The following HERC1 variants were observed in gnomAD, a reference collection of about 807,000 sequenced individuals.
The protein encoded by HERC1 is probable E3 ubiquitin-protein ligase HERC1.
In HERC1, 160 loss-of-function variants were observed where a neutral mutation model predicts 554.3. That is an observed-to-expected ratio of 0.29 (90% CI 0.25 to 0.33). HERC1 has a LOEUF of 0.33. HERC1 is among the 10% of genes least tolerant of loss of function. HERC1 has a pLI of 1.00. For missense variants in HERC1, 4,919 were observed against 5,918.5 expected, an observed-to-expected ratio of 0.83 and a Z score of 5.54; for synonymous variants, 2,175 against 2,131.7, an observed-to-expected ratio of 1.02 and a Z score of -0.56.
At chr15:63,665,464 G>A (rs145163667) in intron 42 of HERC1, among the ~76,000 whole-genome samples, 20 of 152,260 alleles carry the variant, frequency 1.3e-4, no homozygotes, top group Non-Finnish European at 2.2e-4. Context: ...CCGGGGAGGC[G>A]GAGGTTGCTG....
chr15:63,664,952 T>G (rs2070543879), intron 42 of HERC1, among the ~76,000 whole-genome samples: 1 of 152,192 alleles, frequency 6.6e-6, no homozygotes, highest in Non-Finnish European at 1.5e-5. Flanking sequence ...TTGAAATACG[T>G]TATGAAAATA....
intron 1 of HERC1, among the ~76,000 whole-genome samples, chr15:63,830,592 C>G (rs945915936): frequency 3.3e-5 from 5 of 152,110 alleles, no homozygotes; most frequent in African/African-American, 1.2e-4. Flanking sequence ...TAGAGTTACA[C>G]CAATGCTAAC....
In HERC1 at chr15:63,651,337, T is replaced by G; in HGVS notation, c.10462A>C (p.Ser3488Arg). Residue 3488 changes from serine (S) to arginine (R), a missense_variant, in exon 53 of 78, where the codon AGT becomes CGT. Ser to Arg is a moderately radical substitution (Grantham distance 110, BLOSUM62 -1). This residue lies in a region of HERC1 where 1,963 missense variants were observed against 2,228.6 expected (regional missense o/e 0.88). Coordinates refer to ENST00000443617, the MANE Select transcript of HERC1 (RefSeq NM_003922.4). Reference sequence around the variant, plus strand: ...ATACTCCAGGAAACTGGTGAGAAACTTGGATCACTGGGTGATCCCAGGCTT... The same window carrying G: ...ATACTCCAGGAAACTGGTGAGAAACGTGGATCACTGGGTGATCCCAGGCTT... ...EESLGSPSDP[S>R]FSPVSWSISG... is the part of the protein sequence containing the mutation. 1 of 1,613,832 alleles carries G rather than the reference T, an allele frequency of 6.2e-7. No individual in the cohort carries two copies. Among genetic ancestry groups the G allele is most frequent in the Non-Finnish European group, 8.5e-7 (1 of 1,179,724 alleles).
In HERC1 at chr15:63,692,460, T is replaced by C. The variant is rs1233749253; in HGVS notation, c.5781A>G (p.Pro1927=). 1 of 1,613,366 alleles carries C rather than the reference T, an allele frequency of 6.2e-7. No individual in the cohort carries two copies. Among genetic ancestry groups the C allele is most frequent in the South Asian group, 1.1e-5 (1 of 90,886 alleles). The change falls in exon 31 of 78, where the codon CCA becomes CCG. Residue 1927 remains proline, a synonymous_variant. Coordinates refer to ENST00000443617, the MANE Select transcript of HERC1 (RefSeq NM_003922.4). The surrounding 1 kb of genome is among the most constrained non-coding windows in gnomAD (Gnocchi z 4.7). The stretch of plus-strand genomic sequence containing the variant: ...TATTTAGAAGCACTTCGGTCCACTT[T>C]GGGGAAGCCATTTTTGATTGAATTG... ...SKAIQSKMAS[P]KWTEVLLNIA...
At chr15:63,795,942 A>T (rs2076800250) in intron 1 of HERC1, among the ~76,000 whole-genome samples, 1 of 152,252 alleles carries the variant, frequency 6.6e-6, no homozygotes, top group Non-Finnish European at 1.5e-5. Context: ...TAAATAAGGA[A>T]GAGGAACAGG....
intron 18 of HERC1, among the ~76,000 whole-genome samples, 182 bp from the exon 19 acceptor site, chr15:63,723,537 T>C (rs2073911515): frequency 6.6e-6 from 1 of 152,158 alleles, no homozygotes; most frequent in South Asian, 2.1e-4. Flanking sequence ...TTTTACATTC[T>C]CCAAAAGGAT....
At position 63,692,041 on chromosome 15, in the gene HERC1, T is replaced by G. The variant is rs1390605395; in HGVS notation, c.5830+370A>C. 6.6e-6 allele frequency among the ~76,000 whole-genome samples: 1 copy of G among 152,172 alleles called. No homozygotes were observed. Among genetic ancestry groups the G allele is most frequent in the Admixed American group, 6.5e-5 (1 of 15,282 alleles). ...CACAATCAAGGCAACAGAAATCACA[T>G]TATGATAAGAGAGACTGTACAAATT... On this transcript the variant is annotated intron_variant, in intron 31 of 77. Coordinates refer to ENST00000443617, the MANE Select transcript of HERC1 (RefSeq NM_003922.4). This position sits in a 1 kb window ranked among gnomAD's most constrained non-coding sequence, Gnocchi z 4.7.
intron 8 of HERC1, chr15:63,752,528 T>G (rs948361062): frequency 1.3e-5 from 2 of 153,946 alleles, no homozygotes; most frequent in Non-Finnish European, 2.9e-5. Flanking sequence ...TTCACACTGT[T>G]TCTCAGAAAC....
Position 63,677,864 on chromosome 15 carries a change from C to T in HERC1, c.7051G>A (p.Glu2351Lys). 6.2e-7 allele frequency: 1 copy of T among 1,613,666 alleles called. No individual in the cohort carries two copies. The highest frequency in any genetic ancestry group is 8.5e-7 in the Non-Finnish European group (1 of 1,179,708). Residue 2351 changes from glutamate (E) to lysine (K), a missense_variant, in exon 37 of 78, where the codon GAA becomes AAA. Around this residue, in one of 11 missense-constraint regions of HERC1, gnomAD observed 1,963 missense variants for 2,228.6 expected, o/e 0.88. Coordinates refer to ENST00000443617, the MANE Select transcript of HERC1 (RefSeq NM_003922.4). This position sits in a 1 kb window ranked among gnomAD's most constrained non-coding sequence, Gnocchi z 4.4. Reference protein sequence around the residue: ...GSTSAKVQWDEAEITISFPTF... With the variant: ...GSTSAKVQWDKAEITISFPTF... ...TCATACCTGATAGTAATTTCTGCTTCATCCCATTGGACCTTGGCAGACGTG... is the reference window on the plus strand; with the variant it reads ...TCATACCTGATAGTAATTTCTGCTTTATCCCATTGGACCTTGGCAGACGTG...
At chr15:63,661,120 A>T in intron 45 of HERC1, 95 bp from the exon 46 acceptor site, 3 of 871,334 alleles carry the variant, frequency 3.4e-6, no homozygotes, top group Non-Finnish European at 5.8e-6. Context: ...GAGGTCATTA[A>T]TAAAGCAGCA....
In HERC1 at chr15:63,615,820, T is replaced by C. The variant is rs746917734; in HGVS notation, c.14042A>G (p.Lys4681Arg). The C allele has an allele frequency of 1.2e-6, 2 of 1,608,660 alleles. No homozygotes were observed. Among genetic ancestry groups the C allele is most frequent in the Non-Finnish European group, 1.7e-6 (2 of 1,178,112 alleles). Residue 4681 changes from lysine (K) to arginine (R), a missense_variant, in exon 76 of 78, where the codon AAG (lysine) becomes AGG (arginine). Coordinates refer to ENST00000443617, the MANE Select transcript of HERC1 (RefSeq NM_003922.4). The part of the protein sequence containing the change: ...NSIPLTFSNR[K>R]EYVERAIEYR... ...TTCAATGGCCCTCTCCACATATTCCTTCCTGTTGGAAAATGTGAGTGGGAT... is the reference window on the plus strand; with the variant it reads ...TTCAATGGCCCTCTCCACATATTCCCTCCTGTTGGAAAATGTGAGTGGGAT...
At chr15:63,663,312 CT>C (rs1300093114) in intron 43 of HERC1, 108 bp from the exon 44 acceptor site, 1 of 861,492 alleles carries the variant, frequency 1.2e-6, no homozygotes, top group African/African-American at 1.7e-5. Flanking sequence ...TCTCAGTTGT[CT>C]TATTGGATCT....
Position 63,725,483 on chromosome 15 carries a change from A to G in HERC1, c.3377T>C (p.Leu1126Pro), listed in dbSNP as rs1567056256. The change falls in exon 18 of 78, where the codon CTG (leucine) becomes CCG (proline). Residue 1126 changes from leucine (L) to proline (P), a missense_variant. By Grantham distance (98) the Leu-to-Pro change is moderately conservative. Transcript: ENST00000443617. ...GGACTGAGCTGGCTGAGGTAATGGCAGACCAGCAGGATCAATTAGTTCTGG... is the reference window on the plus strand; with the variant it reads ...GGACTGAGCTGGCTGAGGTAATGGCGGACCAGCAGGATCAATTAGTTCTGG... ...GGPELIDPAG[L>P]PLPQPAQSWV... The G allele has an allele frequency of 3.7e-6, 6 of 1,613,972 alleles. No individual in the cohort carries two copies. Among genetic ancestry groups the G allele is most frequent in the Non-Finnish European group, 4.2e-6 (5 of 1,179,864 alleles).
intron 46 of HERC1, 33 bp downstream of exon 46, chr15:63,660,940 A>T (rs553736526): frequency 7.5e-7 from 1 of 1,325,990 alleles, no homozygotes; most frequent in South Asian, 1.2e-5. Context: ...ATAAAAAAAC[A>T]TGTAAAATAA....
intron 39 of HERC1, among the ~76,000 whole-genome samples, chr15:63,671,095 C>A (rs1033650487): frequency 5.3e-5 from 8 of 150,968 alleles, no homozygotes; most frequent in African/African-American, 2.0e-4. Context: ...CCCAACTACT[C>A]AGGAGGCTGA....
At chr15:63,787,577 C>T (rs923943738) in intron 1 of HERC1, among the ~76,000 whole-genome samples, 7 of 152,014 alleles carry the variant, frequency 4.6e-5, no homozygotes, top group African/African-American at 9.7e-5. Flanking sequence ...AAAAAAAGTT[C>T]GCTACATCAA....
chr15:63,818,888 CTAG>C lies in HERC1; in HGVS notation c.-27+14936_-27+14938del, dbSNP rs933591588. ...ACCACTTCAGTATTACTGCAGCCTA[CTAG>C]TAGGTTTTAATTAAAATATTGGTTT... On this transcript the variant is annotated intron_variant, in intron 1 of 77. Coordinates refer to ENST00000443617, the MANE Select transcript of HERC1 (RefSeq NM_003922.4). Among the ~76,000 whole-genome samples the C allele has an allele frequency of 2.3e-3, 357 of 152,302 alleles. 1 individual carries two copies. Among genetic ancestry groups the C allele is most frequent in the African/African-American group, 8.1e-3 (337 of 41,568 alleles).
At position 63,677,926 on chromosome 15, in the gene HERC1, C is replaced by T. The variant is rs1273325351; in HGVS notation, c.6989G>A (p.Arg2330His). 2.4e-5 allele frequency: 39 copies of T among 1,614,004 alleles called. No homozygotes were observed. The highest frequency in any genetic ancestry group is 3.1e-5 in the Non-Finnish European group (36 of 1,179,888). ...GGRCVHKQTG[R>H]HATLLGVVKE... is the part of the protein sequence containing the mutation. ...GACCACTCCCAGCAGCGTGGCATGGCGCCCAGTTTGCTTGTGAACACACCG... is the reference window on the plus strand; with the variant it reads ...GACCACTCCCAGCAGCGTGGCATGGTGCCCAGTTTGCTTGTGAACACACCG... Residue 2330 changes from arginine to histidine, a missense_variant, in exon 37 of 78, where the codon CGC becomes CAC. Physicochemically the swap from Arg to His is conservative, Grantham distance 29. This residue lies in a region of HERC1 where 1,963 missense variants were observed against 2,228.6 expected (regional missense o/e 0.88). Coordinates refer to ENST00000443617, the MANE Select transcript of HERC1 (RefSeq NM_003922.4). The surrounding 1 kb of genome is among the most constrained non-coding windows in gnomAD (Gnocchi z 4.4).
intron 12 of HERC1, among the ~76,000 whole-genome samples, chr15:63,738,017 A>G (rs927153161): frequency 6.6e-6 from 1 of 152,206 alleles, no homozygotes; most frequent in Non-Finnish European, 1.5e-5. Context: ...GTCCTCTCTC[A>G]GAAGCTACTG....
Sources: allele counts gnomAD v4.1 joint callset (sites outside exome capture counted in the v4.1 genomes callset), GRCh38; gene constraint gnomAD v4.1.1; regional missense constraint gnomAD v4.1.1; non-coding constraint Gnocchi (gnomAD v3.1); transcripts MANE v1.5; gene names NCBI Gene and HGNC (gene_info 2026-07-23, HGNC 2026-07-21).